The following SYNE1 variants were observed in gnomAD, a reference collection of about 807,000 sequenced individuals.
SYNE1 encodes the protein nesprin-1.
SYNE1 carries 616 observed loss-of-function variants against 1,111.0 expected under a neutral mutation model. The ratio of observed to expected loss-of-function variants is 0.55; its 90% CI spans 0.52 to 0.59. SYNE1 has a LOEUF of 0.59. Ranked by LOEUF, SYNE1 falls within the 20% of genes least tolerant of loss-of-function variation. SYNE1 has a pLI of 0.00. For synonymous variants in SYNE1, 3,855 were observed against 3,825.8 expected (o/e 1.01, Z -0.28); for missense variants, 10,006 against 10,417.0 (o/e 0.96, Z 1.72).
intron 63 of SYNE1, among the ~76,000 whole-genome samples, chr6:152,362,838 A>G (rs9322370): frequency 6.6e-6 from 1 of 151,838 alleles, no homozygotes; most frequent in Non-Finnish European, 1.5e-5. Flanking sequence ...TTAATTATTT[A>G]TTTTATCGAT....
intron 109 of SYNE1, 99 bp downstream of exon 109, chr6:152,236,718 G>A: frequency 7.1e-7 from 1 of 1,411,390 alleles, no homozygotes. Context: ...TGAAAGAAAA[G>A]TAAAAGTACT....
intron 127 of SYNE1, among the ~76,000 whole-genome samples, chr6:152,199,388 AT>A (rs2074930166): frequency 4.6e-5 from 7 of 152,216 alleles, no homozygotes; most frequent in African/African-American, 1.7e-4. Context: ...TTATAATGTA[AT>A]AGCTGAGAAG....
chr6:152,180,327 T>C, intron 128 of SYNE1, 33 bp from the exon 129 acceptor site: 1 of 1,610,416 alleles, frequency 6.2e-7, no homozygotes, highest in Non-Finnish European at 8.5e-7. Flanking sequence ...ATAGGCAAAA[T>C]GATTATCAGA....
At chr6:152,468,751 C>T (rs2098786598) in intron 16 of SYNE1, among the ~76,000 whole-genome samples, 1 of 151,992 alleles carries the variant, frequency 6.6e-6, no homozygotes, top group Admixed American at 6.6e-5. Flanking sequence ...GATGTAGAAG[C>T]ATGTAGCTTA....
intron 59 of SYNE1, among the ~76,000 whole-genome samples, chr6:152,370,188 A>G (rs1055967730): frequency 6.6e-6 from 1 of 151,986 alleles, no homozygotes; most frequent in African/African-American, 2.4e-5. Context: ...CTCAACTTCT[A>G]GAGCATTTGT....
chr6:152,463,103 G>A (rs900563612), intron 19 of SYNE1, among the ~76,000 whole-genome samples: 1 of 152,218 alleles, frequency 6.6e-6, no homozygotes, highest in South Asian at 2.1e-4. Context: ...GATTTGAAAC[G>A]AGAATCATTC....
intron 138 of SYNE1, 27 bp downstream of exon 138, chr6:152,143,596 C>T (rs755144749): frequency 1.1e-5 from 17 of 1,613,854 alleles, no homozygotes; most frequent in Middle Eastern, 3.3e-4. Flanking sequence ...TCGCACAGGT[C>T]GGAATCAGGA....
intron 29 of SYNE1, 26 bp from the exon 30 acceptor site, chr6:152,444,604 A>T (rs768915646): frequency 1.3e-6 from 2 of 1,557,508 alleles, no homozygotes; most frequent in Non-Finnish European, 1.8e-6. Flanking sequence ...AAAAAAAAAC[A>T]CGTAAATCAT....
intron 72 of SYNE1, among the ~76,000 whole-genome samples, chr6:152,348,688 AAAAAT>A (rs955471248): frequency 6.6e-6 from 1 of 152,090 alleles, no homozygotes; most frequent in Non-Finnish European, 1.5e-5. Flanking sequence ...TCTGTCTCAA[AAAAAT>A]AAAATAAAAT....
intron 121 of SYNE1, among the ~76,000 whole-genome samples, chr6:152,217,974 A>G (rs1233487268): frequency 6.6e-6 from 1 of 152,104 alleles, no homozygotes; most frequent in African/African-American, 2.4e-5. Context: ...TAATTCCAGC[A>G]TTTTGGGAGG....
chr6:152,566,294 G>A (rs552599368), intron 3 of SYNE1, among the ~76,000 whole-genome samples: 3 of 152,130 alleles, frequency 2.0e-5, no homozygotes, highest in South Asian at 2.1e-4. Context: ...ACATGTTCTC[G>A]CTTCTCAAGC....
intron 3 of SYNE1, among the ~76,000 whole-genome samples, chr6:152,543,514 C>T (rs1045183980): frequency 2.0e-5 from 3 of 152,130 alleles, no homozygotes; most frequent in Non-Finnish European, 4.4e-5. Context: ...AAACATGCAA[C>T]GAATGTCTAT....
At chr6:152,236,062 A>C (rs776003422) in intron 110 of SYNE1, 45 bp downstream of exon 110, 12 of 1,593,064 alleles carry the variant, frequency 7.5e-6, no homozygotes, top group African/African-American at 1.3e-5. Context: ...TTATTAATAC[A>C]ATGCAGCACT....
intron 93 of SYNE1, among the ~76,000 whole-genome samples, chr6:152,294,866 G>T (rs1470212827): frequency 6.6e-6 from 1 of 152,026 alleles, no homozygotes; most frequent in Non-Finnish European, 1.5e-5. Context: ...TAGTAAAGAT[G>T]GTTTTTAACT....
At chr6:152,248,262 T>C (rs1443531653) in intron 105 of SYNE1, among the ~76,000 whole-genome samples, 1 of 152,058 alleles carries the variant, frequency 6.6e-6, no homozygotes, top group Non-Finnish European at 1.5e-5. Context: ...CACCCAAGAG[T>C]GTGCAAGATG....
At chr6:152,516,768 T>G (rs906921566) in intron 6 of SYNE1, among the ~76,000 whole-genome samples, 1 of 152,032 alleles carries the variant, frequency 6.6e-6, no homozygotes, top group African/African-American at 2.4e-5. Context: ...TTTGTTTGTT[T>G]AGAGACAAGG....
intron 63 of SYNE1, among the ~76,000 whole-genome samples, chr6:152,363,421 G>A (rs1344826110): frequency 1.3e-5 from 2 of 150,814 alleles, no homozygotes; most frequent in East Asian, 2.0e-4. Context: ...GTGAACCCGG[G>A]AGGCGGAGCT....
At chr6:152,530,106 C>T (rs1409996088) in intron 4 of SYNE1, among the ~76,000 whole-genome samples, 5 of 152,142 alleles carry the variant, frequency 3.3e-5, no homozygotes, top group African/African-American at 1.2e-4. Flanking sequence ...CAGATTATCT[C>T]CCAGAAGCCA....
chr6:152,168,004 T>G (rs1410636088), intron 130 of SYNE1: 1 of 779,136 alleles, frequency 1.3e-6, no homozygotes, highest in Non-Finnish European at 2.4e-6. Context: ...ATCCTCTTCA[T>G]GTAACATTGG....
Sources: allele counts gnomAD v4.1 joint callset (sites outside exome capture counted in the v4.1 genomes callset), GRCh38; gene constraint gnomAD v4.1.1; transcripts MANE v1.5; gene names NCBI Gene and HGNC (gene_info 2026-07-23, HGNC 2026-07-21).